AQP11: variants seen among roughly 807,000 people sequenced by gnomAD.
The protein encoded by AQP11 is aquaporin 11.
AQP11 carries 20 observed loss-of-function variants against 21.1 expected under a neutral mutation model. The ratio of observed to expected loss-of-function variants is 0.95; its 90% confidence interval spans 0.67 to 1.38. The LOEUF is 1.38. AQP11 is among the 40% of genes most tolerant of loss of function. The probability of loss-of-function intolerance (pLI) is 0.00; values close to 1 mark genes in which losing one functional copy is unlikely to be tolerated. For missense variants in AQP11, 339 were observed against 340.4 expected (o/e 1.00, Z 0.03); for synonymous variants, 167 against 150.1 (o/e 1.11, Z -0.82).
intron 1 of AQP11, among the ~76,000 whole-genome samples, chr11:77,596,628 A>T (rs1172976714): frequency 6.8e-6 from 1 of 146,558 alleles, no homozygotes; most frequent in African/African-American, 2.5e-5. Flanking sequence ...GGACGTCAAG[A>T]CAGGAGGACT....
chr11:77,608,564 G>A (rs1436048219), intron 2 of AQP11, among the ~76,000 whole-genome samples: 1 of 152,188 alleles, frequency 6.6e-6, no homozygotes, highest in Non-Finnish European at 1.5e-5. Flanking sequence ...AGTGAGCCAA[G>A]ATCACACCAC....
chr11:77,599,308 T>C (rs538229986), intron 1 of AQP11, among the ~76,000 whole-genome samples: 4 of 152,168 alleles, frequency 2.6e-5, no homozygotes, highest in Non-Finnish European at 5.9e-5. Context: ...CTAGGGTACA[T>C]GTGCACAACG....
intron 1 of AQP11, among the ~76,000 whole-genome samples, chr11:77,594,767 A>C (rs1301123998): frequency 1.3e-5 from 2 of 152,166 alleles, no homozygotes; most frequent in East Asian, 1.9e-4. Context: ...CAGGCTCCTA[A>C]GGATAGCCAG....
chr11:77,603,912 C>T (rs556237269), intron 2 of AQP11, among the ~76,000 whole-genome samples: 5 of 151,494 alleles, frequency 3.3e-5, no homozygotes, highest in East Asian at 1.9e-4. Flanking sequence ...AAAAAAGCAA[C>T]GAGTGCTTAC....
intron 2 of AQP11, among the ~76,000 whole-genome samples, chr11:77,604,973 C>T (rs943787267): frequency 6.6e-6 from 1 of 152,154 alleles, no homozygotes; most frequent in African/African-American, 2.4e-5. Flanking sequence ...GCAGGCAGAT[C>T]ATGAGGTCAG....
chr11:77,608,755 A>G (rs1958860669), intron 2 of AQP11, among the ~76,000 whole-genome samples: 1 of 152,254 alleles, frequency 6.6e-6, no homozygotes. Flanking sequence ...TTGAGATAAA[A>G]ATGAAAAAAC....
chr11:77,609,019 G>T (rs1958862059), intron 2 of AQP11, among the ~76,000 whole-genome samples: 1 of 152,146 alleles, frequency 6.6e-6, no homozygotes, highest in Non-Finnish European at 1.5e-5. Flanking sequence ...TCATTGTTTA[G>T]ATCCTATTGG....
rs1383111951 is a variant in AQP11, at chr11:77,610,281, A to ACTT, written c.*905_*907dup. ...TCAAGGGTTCATAGAAACATTAAAT[A>ACTT]CTTTATAATAACGTTAAAACTTGTT... is the stretch of plus-strand genomic sequence containing the variant. On this transcript the variant is annotated 3_prime_UTR_variant, in exon 3 of 3. Coordinates refer to ENST00000313578, the MANE Select transcript of AQP11 (RefSeq NM_173039.3). 12 of 152,362 alleles carry ACTT rather than the reference A, an allele frequency of 7.9e-5. No individual in the cohort carries two copies. Among genetic ancestry groups the ACTT allele is most frequent in the Admixed American group, 5.9e-4 (9 of 15,304 alleles). 9.4% of individuals were successfully genotyped at this position (152,362 alleles called of 1,614,324 possible). A position where few individuals can be genotyped will look rare whatever the true frequency, so the allele number is the denominator to read the frequency against.
intron 2 of AQP11, 97 bp downstream of exon 2, chr11:77,603,769 C>T: frequency 5.7e-6 from 5 of 874,480 alleles, no homozygotes; most frequent in Non-Finnish European, 8.4e-6. Flanking sequence ...AAAGCCACAG[C>T]AGGCACAAAA....
intron 1 of AQP11, among the ~76,000 whole-genome samples, chr11:77,595,497 A>G (rs1182068132): frequency 1.3e-5 from 2 of 152,252 alleles, no homozygotes; most frequent in Non-Finnish European, 1.5e-5. Context: ...TTGAGTCTGT[A>G]GACCACATTT....
chr11:77,596,455 AAT>A lies in AQP11; in HGVS notation c.619+5857_619+5858del, dbSNP rs1554976392. On this transcript the variant is annotated intron_variant, in intron 1 of 2. Transcript: ENST00000313578. ...GACTATGTCTCAATTAAAAAAAAAA[AAT>A]ATATATATATATGTAAATATATATG... 4.6e-5 allele frequency among the ~76,000 whole-genome samples: 6 copies of A among 131,754 alleles called. No homozygotes were observed. In the East Asian group the frequency reaches 6.3e-4, roughly 14 times the overall value. 86.4% of individuals were successfully genotyped at this position (131,754 alleles called of 152,430 possible). A position where few individuals can be genotyped will look rare whatever the true frequency, so the allele number is the denominator to read the frequency against.
intron 1 of AQP11, among the ~76,000 whole-genome samples, chr11:77,595,426 G>A (rs1487078467): frequency 1.3e-5 from 2 of 152,190 alleles, no homozygotes. Flanking sequence ...TTCTTTCATA[G>A]AATTTTAAAT....
chr11:77,606,036 C>CAA lies in AQP11; in HGVS notation c.736+2390_736+2391dup, dbSNP rs11326964. ...CTAGCCTGGGCGACAGAGCGAGTCT[C>CAA]AAAAAAAAAAAAAAAAAAAAAAAAA... On this transcript the variant is annotated intron_variant, in intron 2 of 2. Transcript: ENST00000313578. Among the ~76,000 whole-genome samples, 109 of 63,990 alleles carry CAA rather than the reference C, an allele frequency of 1.7e-3. 8 individuals carry two copies. Among genetic ancestry groups the CAA allele is most frequent in the African/African-American group, 5.1e-3 (98 of 19,202 alleles). 42.0% of individuals were successfully genotyped at this position (63,990 alleles called of 152,430 possible). A position where few individuals can be genotyped will look rare whatever the true frequency, so the allele number is the denominator to read the frequency against.
In AQP11 at chr11:77,590,597, T is replaced by G. The variant is rs1187718704; in HGVS notation, c.605T>G (p.Phe202Cys). ...RIHLLAALIT[F>C]LVYAGGSLTG... ...CACCTGCTGGCTGCACTCATCACCT[T>G]TTTGGTCTATGCAGGTTTGTCATTC... Residue 202 changes from phenylalanine to cysteine, a missense_variant, in exon 1 of 3, where the codon TTT (phenylalanine) becomes TGT (cysteine). By Grantham distance (205) the Phe-to-Cys change is radical (BLOSUM62 -2). Transcript: ENST00000313578. 1 of 1,613,770 alleles carries G rather than the reference T, an allele frequency of 6.2e-7. No individual in the cohort carries two copies.
chr11:77,603,982 G>A (rs1324397152), intron 2 of AQP11, among the ~76,000 whole-genome samples: 1 of 151,076 alleles, frequency 6.6e-6, no homozygotes, highest in African/African-American at 2.4e-5. Context: ...TCACATTTGT[G>A]AGCTCCAGAT....
Position 77,592,141 on chromosome 11 carries a change from C to CT in AQP11, c.619+1532dup, listed in dbSNP as rs1254161208. 3.9e-5 allele frequency among the ~76,000 whole-genome samples: 6 copies of CT among 152,040 alleles called. No homozygotes were observed. The East Asian group carries it at 1.2e-3, about 29-fold the overall frequency. On this transcript the variant is annotated intron_variant, in intron 1 of 2. Transcript: ENST00000313578. ...AATTAGCCGGGCGTGCTGGTGCGCA[C>CT]TTGTAGTCCCAACTACTTGGGAGGC...
chr11:77,590,882 T>G, intron 1 of AQP11: 2 of 985,444 alleles, frequency 2.0e-6, no homozygotes, highest in South Asian at 9.4e-5. Context: ...TCAGATATCC[T>G]ACAAAGGGAT....
intron 1 of AQP11, among the ~76,000 whole-genome samples, chr11:77,595,836 G>A (rs1030349026): frequency 1.3e-5 from 2 of 151,984 alleles, no homozygotes; most frequent in Admixed American, 6.6e-5. Context: ...CAGGAGAATC[G>A]CTTGAACCCG....
intron 1 of AQP11, chr11:77,591,017 T>G: frequency 6.1e-6 from 6 of 985,454 alleles, no homozygotes; most frequent in Non-Finnish European, 7.2e-6. Flanking sequence ...CCTTTCGATT[T>G]AAAGCACAAG....
Sources: allele counts gnomAD v4.1 joint callset (sites outside exome capture counted in the v4.1 genomes callset), GRCh38; gene constraint gnomAD v4.1.1; transcripts MANE v1.5; gene names NCBI Gene and HGNC (gene_info 2026-07-23, HGNC 2026-07-21).